The following RNGTT variants were observed in gnomAD, a reference collection of about 807,000 sequenced individuals.
RNGTT encodes mRNA-capping enzyme.
RNGTT carries 33 observed loss-of-function variants against 79.3 expected under a neutral mutation model. The ratio of observed to expected loss-of-function variants is 0.42; its 90% CI spans 0.32 to 0.56. The LOEUF is 0.56. RNGTT is among the 20% of genes least tolerant of loss of function. The pLI is 0.17. For missense variants in RNGTT, 497 were observed against 739.1 expected (o/e 0.67, Z 3.80); for synonymous variants, 222 against 235.9 (o/e 0.94, Z 0.54).
intron 2 of RNGTT, among the ~76,000 whole-genome samples, chr6:88,930,009 T>G (rs941423833): frequency 5.4e-5 from 8 of 149,142 alleles, no homozygotes; most frequent in African/African-American, 2.0e-4. Flanking sequence ...TATATACATA[T>G]GCATATGTAT....
intron 13 of RNGTT, among the ~76,000 whole-genome samples, chr6:88,723,967 C>G (rs146721133): frequency 6.6e-6 from 1 of 152,076 alleles, no homozygotes; most frequent in African/African-American, 2.4e-5. Flanking sequence ...TCAGGTGATC[C>G]GCCTGCCTCA....
At chr6:88,754,698 G>C (rs918946161) in intron 13 of RNGTT, among the ~76,000 whole-genome samples, 1 of 152,184 alleles carries the variant, frequency 6.6e-6, no homozygotes, top group Non-Finnish European at 1.5e-5. Flanking sequence ...CTGGAATGAG[G>C]TCAAGGAACA....
intron 13 of RNGTT, among the ~76,000 whole-genome samples, chr6:88,715,908 A>G (rs528382617): frequency 0.027 from 4,053 of 152,246 alleles, 179 homozygotes; most frequent in African/African-American, 0.093. Context: ...AGGCATGGGC[A>G]AGGACTTCAT....
intron 4 of RNGTT, among the ~76,000 whole-genome samples, chr6:88,910,557 T>C (rs1330893099): frequency 6.6e-6 from 1 of 152,182 alleles, no homozygotes; most frequent in Non-Finnish European, 1.5e-5. Flanking sequence ...GTAAGCACCA[T>C]GAAAGACATA....
At chr6:88,620,480 C>T (rs1261784504) in intron 14 of RNGTT, among the ~76,000 whole-genome samples, 1 of 152,144 alleles carries the variant, frequency 6.6e-6, no homozygotes, top group Non-Finnish European at 1.5e-5. Flanking sequence ...CTTTTATTTT[C>T]TTCTCCATGT....
intron 13 of RNGTT, among the ~76,000 whole-genome samples, chr6:88,691,034 T>C (rs2610758): frequency 0.27 from 40,521 of 152,060 alleles, 9,455 homozygotes; most frequent in African/African-American, 0.63. Context: ...AGAAGCTACA[T>C]GTCAAAGAGC....
At chr6:88,695,605 C>T (rs772399552) in intron 13 of RNGTT, among the ~76,000 whole-genome samples, 22 of 152,064 alleles carry the variant, frequency 1.4e-4, no homozygotes, top group South Asian at 2.1e-4. Flanking sequence ...CCTCCAAAAA[C>T]TAAAAGTAGA....
chr6:88,803,871 C>T (rs1285310166), intron 11 of RNGTT, among the ~76,000 whole-genome samples: 1 of 152,032 alleles, frequency 6.6e-6, no homozygotes, highest in Non-Finnish European at 1.5e-5. Flanking sequence ...CATGATTCTA[C>T]CTGCTGCAGA....
rs12205380 is a variant in RNGTT, at chr6:88,672,230, C to T, written c.1506+6123G>A. ...ATATATATATATATACACACACACA[C>T]ATATATATACACACACACACATATA... is the stretch of plus-strand genomic sequence containing the variant. On this transcript the variant is annotated intron_variant, in intron 14 of 15. Coordinates refer to ENST00000369485, the MANE Select transcript of RNGTT (RefSeq NM_003800.5). Among the ~76,000 whole-genome samples the T allele has an allele frequency of 1.2e-3, 173 of 149,936 alleles. 1 individual carries two copies. Among genetic ancestry groups the T allele is most frequent in the African/African-American group, 4.1e-3 (167 of 40,398 alleles).
chr6:88,798,014 G>T (rs1779657358), intron 12 of RNGTT, among the ~76,000 whole-genome samples: 1 of 149,226 alleles, frequency 6.7e-6, no homozygotes, highest in Admixed American at 6.7e-5. Flanking sequence ...AAAAAGGTAA[G>T]AGACTGTTTG....
At position 88,765,464 on chromosome 6, in the gene RNGTT, C is replaced by A. The variant is rs1009130426; in HGVS notation, c.1439+4310G>T. On this transcript the variant is annotated intron_variant, in intron 13 of 15. Transcript: ENST00000369485. ...ACATGCATCATTTATTTAATCCCCA[C>A]AAAACCTGATAAAGTAGTATTATTT... 4.6e-5 allele frequency among the ~76,000 whole-genome samples: 7 copies of A among 152,230 alleles called. No individual in the cohort carries two copies. The East Asian group carries it at 5.8e-4, about 13-fold the overall frequency.
In RNGTT at chr6:88,610,835, C is replaced by T. The variant is rs910262200; in HGVS notation, c.*1884G>A. 1 of 152,326 alleles carries T rather than the reference C, an allele frequency of 6.6e-6. No individual in the cohort carries two copies. Among genetic ancestry groups the T allele is most frequent in the Non-Finnish European group, 1.5e-5 (1 of 68,028 alleles). 9.4% of individuals were successfully genotyped at this position (152,326 alleles called of 1,614,324 possible). On this transcript the variant is annotated 3_prime_UTR_variant, in exon 16 of 16. Transcript: ENST00000369485. ...AAGATCATTGGCAAAAGCTTGCTTT[C>T]GTATCTGCAAAAGGGCTCTGCCTTT...
intron 14 of RNGTT, among the ~76,000 whole-genome samples, chr6:88,653,304 G>A (rs906945773): frequency 3.3e-5 from 5 of 152,136 alleles, no homozygotes; most frequent in African/African-American, 7.2e-5. Flanking sequence ...TTCAAGCCAT[G>A]TTTAACAAGA....
intron 14 of RNGTT, chr6:88,677,979 C>CT (rs34263662): frequency 0.05 from 3,839 of 76,234 alleles, 311 homozygotes; most frequent in African/African-American, 0.13. Context: ...CTCACATTCA[C>CT]TTTTTTTTTT....
chr6:88,793,180 A>C (rs1779478887), intron 12 of RNGTT, among the ~76,000 whole-genome samples: 1 of 152,196 alleles, frequency 6.6e-6, no homozygotes, highest in South Asian at 2.1e-4. Context: ...TTAAGAAATA[A>C]AAAACTAGAC....
At chr6:88,806,016 C>T (rs929410198) in intron 11 of RNGTT, among the ~76,000 whole-genome samples, 9 of 152,138 alleles carry the variant, frequency 5.9e-5, no homozygotes, top group African/African-American at 1.9e-4. Flanking sequence ...CCCCTCCCCA[C>T]CCACAAATGA....
intron 13 of RNGTT, among the ~76,000 whole-genome samples, chr6:88,743,132 A>G (rs964687310): frequency 6.6e-6 from 1 of 152,194 alleles, no homozygotes; most frequent in Non-Finnish European, 1.5e-5. Flanking sequence ...CACTCAAATA[A>G]AACACTGTAT....
intron 11 of RNGTT, among the ~76,000 whole-genome samples, chr6:88,835,819 T>C (rs1055174661): frequency 4.6e-5 from 7 of 151,836 alleles, no homozygotes; most frequent in African/African-American, 1.7e-4. Flanking sequence ...AGGTGATAGA[T>C]CTGTACCAGA....
At chr6:88,618,464 A>G (rs1414418685) in intron 14 of RNGTT, among the ~76,000 whole-genome samples, 1 of 152,218 alleles carries the variant, frequency 6.6e-6, no homozygotes, top group Non-Finnish European at 1.5e-5. Flanking sequence ...AATCATCCTC[A>G]GCCAATTACA....
Sources: gnomAD v4.1 joint callset for allele counts (sites outside exome capture counted in the v4.1 genomes callset) on GRCh38, gnomAD v4.1.1 for gene constraint, MANE v1.5 for transcripts, NCBI Gene and HGNC (gene_info 2026-07-23, HGNC 2026-07-21) for gene names.